Variants in LGR5 observed in about 807,000 individuals in gnomAD.
The protein encoded by LGR5 is leucine rich repeat containing G protein-coupled receptor 5.
A neutral mutation model predicts 76.7 loss-of-function variants in LGR5; 54 were observed. The observed-to-expected ratio is 0.70, with a 90% CI of 0.57 to 0.88. The LOEUF (loss-of-function observed/expected upper bound fraction) is 0.88, where lower values mean the gene tolerates loss of function less well. Among genes scored for constraint, LGR5 ranks in the 40% least tolerant of loss-of-function variants. The pLI is 0.00. For missense variants in LGR5, 1,078 were observed against 1,073.3 expected, an observed-to-expected ratio of 1.00 and a Z score of -0.06; for synonymous variants, 406 against 421.9, an observed-to-expected ratio of 0.96 and a Z score of 0.46.
intron 3 of LGR5, among the ~76,000 whole-genome samples, chr12:71,526,679 A>T (rs1012760686): frequency 3.9e-5 from 6 of 152,186 alleles, no homozygotes; most frequent in African/African-American, 1.4e-4. Flanking sequence ...AACAGAGATC[A>T]CTTCTGATTT....
At chr12:71,482,125 T>C (rs1873634530) in intron 1 of LGR5, among the ~76,000 whole-genome samples, 1 of 152,162 alleles carries the variant, frequency 6.6e-6, no homozygotes, top group Non-Finnish European at 1.5e-5. Context: ...ACTTTTTCTT[T>C]CATCAAAAAG....
In LGR5 at chr12:71,440,398, G is replaced by A. The variant is rs1031710940; in HGVS notation, c.212+106G>A. ...CGGCGCCCGCCTGCTCGTGGGGGAG[G>A]GGGGCGAGTTTGTCAAGGGCATCCT... On this transcript the variant is annotated intron_variant, in intron 1 of 17. Transcript: ENST00000266674. This position sits in a 1 kb window ranked among gnomAD's most constrained non-coding sequence, Gnocchi z 5.3. 1 of 1,113,660 alleles carries A rather than the reference G, an allele frequency of 9.0e-7. No homozygotes were observed. Among genetic ancestry groups the A allele is most frequent in the East Asian group, 2.5e-5 (1 of 40,446 alleles). 69.0% of individuals were successfully genotyped at this position (1,113,660 alleles called of 1,614,324 possible).
At chr12:71,555,630 A>C (rs1385241158) in intron 5 of LGR5, among the ~76,000 whole-genome samples, 1 of 152,206 alleles carries the variant, frequency 6.6e-6, no homozygotes, top group African/African-American at 2.4e-5. Context: ...TGCTTGCTAC[A>C]TCTATCCTCC....
intron 13 of LGR5, among the ~76,000 whole-genome samples, chr12:71,577,232 A>G (rs1280676326): frequency 2.6e-5 from 4 of 152,220 alleles, no homozygotes; most frequent in Non-Finnish European, 5.9e-5. Flanking sequence ...TTAAAAATGT[A>G]GTTCTTATTC....
rs544942456 is a variant in LGR5, at chr12:71,486,923, C to T, written c.213-17691C>T. Among the ~76,000 whole-genome samples the T allele has an allele frequency of 2.6e-5, 4 of 152,194 alleles. No individual in the cohort carries two copies. The East Asian group carries it at 7.7e-4, about 29-fold the overall frequency. On this transcript the variant is annotated intron_variant, in intron 1 of 17. Coordinates refer to ENST00000266674, the MANE Select transcript of LGR5 (RefSeq NM_003667.4). ...ACCACAGAGGGCTCCTTTATGAGGG[C>T]CACTTCATGTACAAATGACCCTAAG...
At chr12:71,567,056 T>A in intron 11 of LGR5, 144 bp downstream of exon 11, 1 of 678,864 alleles carries the variant, frequency 1.5e-6, no homozygotes, top group Non-Finnish European at 2.7e-6. Context: ...TCCTTTGCCC[T>A]CTTTGGTCCA....
intron 2 of LGR5, among the ~76,000 whole-genome samples, chr12:71,508,210 G>A (rs1160280117): frequency 6.6e-6 from 1 of 152,102 alleles, no homozygotes; most frequent in Non-Finnish European, 1.5e-5. Context: ...TCTGGTGACA[G>A]TGCGAGACTC....
At chr12:71,447,188 C>T (rs771993153) in intron 1 of LGR5, among the ~76,000 whole-genome samples, 1 of 152,116 alleles carries the variant, frequency 6.6e-6, no homozygotes, top group Non-Finnish European at 1.5e-5. Flanking sequence ...AAAATTGTTT[C>T]AAAGTTTTAT....
chr12:71,518,196 A>C (rs1295533865), intron 2 of LGR5, among the ~76,000 whole-genome samples: 1 of 152,214 alleles, frequency 6.6e-6, no homozygotes, highest in Non-Finnish European at 1.5e-5. Flanking sequence ...AAGTGAGCAA[A>C]CAGACACTTT....
intron 12 of LGR5, among the ~76,000 whole-genome samples, chr12:71,571,834 A>G (rs189291512): frequency 6.6e-6 from 1 of 152,176 alleles, no homozygotes; most frequent in Non-Finnish European, 1.5e-5. Context: ...AACTCAGGGT[A>G]CTAGTGAATT....
chr12:71,529,108 A>G (rs540481835), intron 3 of LGR5, among the ~76,000 whole-genome samples: 1 of 152,314 alleles, frequency 6.6e-6, no homozygotes, highest in African/African-American at 2.4e-5. Context: ...TTTGATTGGC[A>G]TGTTATATTT....
intron 1 of LGR5, among the ~76,000 whole-genome samples, chr12:71,502,505 T>C (rs1421705589): frequency 6.6e-6 from 1 of 152,182 alleles, no homozygotes; most frequent in Non-Finnish European, 1.5e-5. Flanking sequence ...GCCAGGTACT[T>C]TCCTTTTTAA....
intron 1 of LGR5, among the ~76,000 whole-genome samples, chr12:71,495,504 C>T (rs1171505600): frequency 6.6e-6 from 1 of 151,416 alleles, no homozygotes; most frequent in African/African-American, 2.5e-5. Context: ...ATGAAAGCTA[C>T]TTTTAAGCCC....
At chr12:71,530,306 T>C (rs747156114) in intron 3 of LGR5, among the ~76,000 whole-genome samples, 7 of 152,166 alleles carry the variant, frequency 4.6e-5, no homozygotes, top group Non-Finnish European at 8.8e-5. Context: ...TCCCCTACTC[T>C]CATGAAAACT....
rs139189316 is a variant in LGR5 at position 71,479,572 on chromosome 12, A to C, written c.213-25042A>C. ...GAATGGAGAGGAGGGAGGCAGGGAG[A>C]GGCAGGAAGAAGAGCAAGGAAAGGA... On this transcript the variant is annotated intron_variant, in intron 1 of 17. Coordinates refer to ENST00000266674, the MANE Select transcript of LGR5 (RefSeq NM_003667.4). Among the ~76,000 whole-genome samples the C allele has an allele frequency of 1.5e-3, 235 of 152,254 alleles. 3 individuals are homozygous for C. The East Asian group carries it at 0.043, about 28-fold the overall frequency.
chr12:71,464,534 G>A (rs1442544058), intron 1 of LGR5, among the ~76,000 whole-genome samples: 1 of 152,094 alleles, frequency 6.6e-6, no homozygotes. Context: ...GAGACACAGG[G>A]CCACAGGCTG....
intron 2 of LGR5, among the ~76,000 whole-genome samples, chr12:71,510,056 T>C (rs1875071435): frequency 6.6e-6 from 1 of 152,206 alleles, no homozygotes; most frequent in Non-Finnish European, 1.5e-5. Flanking sequence ...TCTTTTGAGA[T>C]TTTTTTCTTC....
At chr12:71,577,169 T>C (rs970280135) in intron 13 of LGR5, among the ~76,000 whole-genome samples, 1 of 152,244 alleles carries the variant, frequency 6.6e-6, no homozygotes, top group African/African-American at 2.4e-5. Flanking sequence ...ACATCTTAGT[T>C]ACCATTGTTA....
At chr12:71,471,113 A>G (rs1303554125) in intron 1 of LGR5, among the ~76,000 whole-genome samples, 2 of 152,216 alleles carry the variant, frequency 1.3e-5, no homozygotes, top group Non-Finnish European at 2.9e-5. Flanking sequence ...AATTCTTTTT[A>G]TCAGGAAGGC....
Sources: allele counts gnomAD v4.1 joint callset (sites outside exome capture counted in the v4.1 genomes callset), GRCh38; gene constraint gnomAD v4.1.1; non-coding constraint Gnocchi (gnomAD v3.1); transcripts MANE v1.5; gene names NCBI Gene and HGNC (gene_info 2026-07-23, HGNC 2026-07-21).